AMPD3: variants seen among roughly 807,000 people sequenced by gnomAD.
AMPD3 encodes AMP deaminase 3.
In AMPD3, 57 loss-of-function variants were observed where a neutral mutation model predicts 82.3. The ratio of observed to expected loss-of-function variants is 0.69; its 90% confidence interval spans 0.56 to 0.86. AMPD3 has a LOEUF of 0.86. Among genes scored for constraint, AMPD3 ranks in the 40% least tolerant of loss-of-function variants. AMPD3 has a pLI of 0.00. For missense variants in AMPD3, 870 were observed against 1,003.8 expected, an observed-to-expected ratio of 0.87 and a Z score of 1.80; for synonymous variants, 381 against 394.7, an observed-to-expected ratio of 0.97 and a Z score of 0.41.
chr11:10,476,923 T>TAGCA (rs71034768), intron 2 of AMPD3: 573,677 of 984,086 alleles, frequency 0.58, 168,431 homozygotes, highest in East Asian at 0.73. Flanking sequence ...GTGCATCACT[T>TAGCA]AGCAGGACCA....
upstream of AMPD3, among the ~76,000 whole-genome samples, chr11:10,452,309 C>T (rs1311841000): frequency 2.0e-5 from 3 of 152,106 alleles, no homozygotes; most frequent in African/African-American, 7.2e-5. Flanking sequence ...ACCCTTTCTC[C>T]CCTAAAGCTG....
At chr11:10,455,063 A>G, upstream of AMPD3, 1 of 782,170 alleles carries the variant, frequency 1.3e-6, no homozygotes, top group Non-Finnish European at 1.6e-6. Context: ...CAACCTCACG[A>G]TTGGACATGC....
At chr11:10,480,227 G>C (rs1180987786) in intron 3 of AMPD3, among the ~76,000 whole-genome samples, 1 of 152,248 alleles carries the variant, frequency 6.6e-6, no homozygotes, top group Non-Finnish European at 1.5e-5. Flanking sequence ...CTGTAAGCTT[G>C]GCCGGTGGCC....
chr11:10,454,248 T>C (rs567599684), upstream of AMPD3, among the ~76,000 whole-genome samples: 1 of 152,320 alleles, frequency 6.6e-6, no homozygotes, highest in East Asian at 1.9e-4. Flanking sequence ...AGCAGGACCC[T>C]TGGTCATTGT....
chr11:10,500,004 G>A, intron 10 of AMPD3, 82 bp from the exon 11 acceptor site: 1 of 1,589,530 alleles, frequency 6.3e-7, no homozygotes, highest in Non-Finnish European at 8.6e-7. Flanking sequence ...CAGGCCTCTG[G>A]CAGCTATGAG....
At chr11:10,460,431 G>A (rs1848235287) in intron 1 of AMPD3, among the ~76,000 whole-genome samples, 1 of 145,460 alleles carries the variant, frequency 6.9e-6, no homozygotes, top group Non-Finnish European at 1.5e-5. Flanking sequence ...TTTTGAGGCA[G>A]AGTCCCACTC....
At chr11:10,489,978 G>T (rs935692829) in intron 6 of AMPD3, among the ~76,000 whole-genome samples, 2 of 152,172 alleles carry the variant, frequency 1.3e-5, no homozygotes, top group South Asian at 2.1e-4. Flanking sequence ...ACCACACCTG[G>T]CCTTGATAGC....
chr11:10,474,838 G>A (rs1266204250), intron 2 of AMPD3, among the ~76,000 whole-genome samples: 1 of 152,196 alleles, frequency 6.6e-6, no homozygotes, highest in African/African-American at 2.4e-5. Context: ...AGGAGGGGGT[G>A]TGCCAGCTGT....
Position 10,502,842 on chromosome 11 carries a change from G to A in AMPD3, c.1964G>A (p.Gly655Glu). 6.2e-7 allele frequency: 1 copy of A among 1,614,144 alleles called. No homozygotes were observed. Residue 655 changes from glycine (G) to glutamate (E), a missense_variant, in exon 13 of 15, where the codon GGA becomes GAA. Transcript: ENST00000396553. ...CCTCTGAGGGAATTCCTACACAAGG[G>A]ACTGCATGTTTCTCTTTCCACCGAT... ...KNPLREFLHK[G>E]LHVSLSTDDP...
intron 5 of AMPD3, 117 bp downstream of exon 5, chr11:10,485,156 A>T: frequency 1.0e-6 from 1 of 993,446 alleles, no homozygotes. Context: ...CATCCCAGAA[A>T]GAGCGCGGTT....
chr11:10,496,275 AC>A, intron 9 of AMPD3: 3 of 984,958 alleles, frequency 3.0e-6, no homozygotes, highest in Non-Finnish European at 3.6e-6. Context: ...GGGAACTACT[AC>A]CCCCGCCTTC....
intron 12 of AMPD3, chr11:10,502,477 T>G (rs975529010): frequency 1.0e-6 from 1 of 985,324 alleles, no homozygotes; most frequent in Non-Finnish European, 1.2e-6. Context: ...GAATGAGCAC[T>G]TCCAACAGTG....
chr11:10,489,202 T>C (rs1849168802), intron 6 of AMPD3, among the ~76,000 whole-genome samples: 1 of 152,192 alleles, frequency 6.6e-6, no homozygotes, highest in Non-Finnish European at 1.5e-5. Flanking sequence ...TCCATCACTG[T>C]GTGAACTCCT....
At chr11:10,458,951 G>A (rs1389430872) in intron 1 of AMPD3, among the ~76,000 whole-genome samples, 2 of 152,084 alleles carry the variant, frequency 1.3e-5, no homozygotes, top group African/African-American at 2.4e-5. Flanking sequence ...TAAGGGGGGA[G>A]GTGAGGATCC....
chr11:10,462,757 C>G (rs1382240659), intron 2 of AMPD3, among the ~76,000 whole-genome samples: 1 of 152,128 alleles, frequency 6.6e-6, no homozygotes, highest in African/African-American at 2.4e-5. Context: ...GAGAAAAAAT[C>G]CTTTTTTAGA....
At chr11:10,495,377 C>T (rs1313105114) in intron 8 of AMPD3, 193 bp from the exon 9 acceptor site, 2 of 984,960 alleles carry the variant, frequency 2.0e-6, no homozygotes, top group African/African-American at 1.7e-5. Context: ...CAAGGCCTTC[C>T]TCACCAGAGG....
rs1564860986 is a variant in AMPD3 at position 10,506,735 on chromosome 11, C to T, written c.*851C>T. 1 of 152,248 alleles carries T rather than the reference C, an allele frequency of 6.6e-6. No individual in the cohort carries two copies. Among genetic ancestry groups the T allele is most frequent in the African/African-American group, 2.4e-5 (1 of 41,438 alleles). The allele number at this position is 152,248 out of a possible 1,614,324, so 9.4% of individuals were successfully genotyped here. On this transcript the variant is annotated 3_prime_UTR_variant, in exon 15 of 15. Coordinates refer to ENST00000396553, the MANE Select transcript of AMPD3 (RefSeq NM_001025389.2). The surrounding 1 kb of genome is among the most constrained non-coding windows in gnomAD (Gnocchi z 4.1). ...TGTTCCTTTTGGCTCTAATATGCTACAACTGTAGGCCAATTATCACTTTAC... is the reference window on the plus strand; with the variant it reads ...TGTTCCTTTTGGCTCTAATATGCTATAACTGTAGGCCAATTATCACTTTAC...
intron 1 of AMPD3, among the ~76,000 whole-genome samples, chr11:10,460,067 ATATATAATATATATTT>A (rs1302731263): frequency 1.7e-4 from 21 of 120,598 alleles, no homozygotes; most frequent in Admixed American, 7.3e-4. Flanking sequence ...AATATATATT[ATATATAATATATATTT>A]TATATATATA....
At chr11:10,475,341 C>G (rs1036290252) in intron 2 of AMPD3, among the ~76,000 whole-genome samples, 6 of 152,138 alleles carry the variant, frequency 3.9e-5, no homozygotes, top group Admixed American at 6.5e-5. Flanking sequence ...CACCTCCCAC[C>G]AGCCCCTACC....
Sources: gnomAD v4.1 joint callset for allele counts (sites outside exome capture counted in the v4.1 genomes callset) on GRCh38, gnomAD v4.1.1 for gene constraint, Gnocchi (gnomAD v3.1) non-coding constraint, MANE v1.5 for transcripts, NCBI Gene and HGNC (gene_info 2026-07-23, HGNC 2026-07-21) for gene names.